EPHA6: variants seen among roughly 807,000 people sequenced by gnomAD.
EPHA6 encodes the protein EPH receptor A6.
EPHA6 carries 50 observed loss-of-function variants against 112.0 expected under a neutral mutation model. That is an observed-to-expected ratio of 0.45 (90% confidence interval 0.36 to 0.56). The LOEUF (loss-of-function observed/expected upper bound fraction) is 0.56. Among genes scored for constraint, EPHA6 ranks in the 20% least tolerant of loss-of-function variants. EPHA6 has a pLI of 0.00. For synonymous variants in EPHA6, 529 were observed against 490.7 expected, an observed-to-expected ratio of 1.08 and a Z score of -1.03; for missense variants, 1,280 against 1,417.4, an observed-to-expected ratio of 0.90 and a Z score of 1.56.
chr3:97,072,143 C>T (rs1037163345), intron 3 of EPHA6, among the ~76,000 whole-genome samples: 1 of 152,072 alleles, frequency 6.6e-6, no homozygotes, highest in Non-Finnish European at 1.5e-5. Flanking sequence ...GGAACCAGCC[C>T]AAATGCCCAT....
chr3:97,259,893 T>A (rs1306445612), intron 5 of EPHA6, among the ~76,000 whole-genome samples: 1 of 151,522 alleles, frequency 6.6e-6, no homozygotes, highest in Non-Finnish European at 1.5e-5. Context: ...CTCTGCCTCC[T>A]GGGTTCAAGC....
At chr3:97,242,996 T>C (rs2108579577) in intron 4 of EPHA6, among the ~76,000 whole-genome samples, 1 of 151,978 alleles carries the variant, frequency 6.6e-6, no homozygotes, top group African/African-American at 2.4e-5. Context: ...GTAATATTTG[T>C]TTAATGAACA....
chr3:97,309,021 A>C (rs1033392999), intron 5 of EPHA6, among the ~76,000 whole-genome samples: 1 of 151,798 alleles, frequency 6.6e-6, no homozygotes, highest in Non-Finnish European at 1.5e-5. Flanking sequence ...ATTAAAAACA[A>C]AACAACTGCA....
chr3:97,174,266 A>T (rs894163466), intron 3 of EPHA6, among the ~76,000 whole-genome samples: 1 of 151,886 alleles, frequency 6.6e-6, no homozygotes, highest in African/African-American at 2.4e-5. Flanking sequence ...TTCATTGTGT[A>T]TATGTACTAC....
intron 3 of EPHA6, among the ~76,000 whole-genome samples, chr3:97,118,011 A>G (rs964345366): frequency 6.6e-6 from 1 of 151,824 alleles, no homozygotes. Context: ...TGAAAAGAGA[A>G]TTATATTTTG....
At chr3:97,296,981 G>A (rs555319085) in intron 5 of EPHA6, among the ~76,000 whole-genome samples, 6 of 152,332 alleles carry the variant, frequency 3.9e-5, no homozygotes, top group African/African-American at 9.6e-5. Flanking sequence ...GCAGTCTGGT[G>A]AGGGCTGGAT....
In EPHA6 at chr3:97,637,984, C is replaced by T. The variant is rs61732635; in HGVS notation, c.2686C>T (p.Arg896Trp). The change falls in exon 14 of 18, where the codon CGG (arginine) becomes TGG (tryptophan). Residue 896 changes from arginine to tryptophan, a missense_variant. Physicochemically the swap from Arg to Trp is moderately radical, Grantham distance 101. Transcript: ENST00000389672. ...MGYVHRDLAARNILVNSNLVC... is the reference protein window; with the variant it reads ...MGYVHRDLAAWNILVNSNLVC... ...TTATGTTCATCGAGACCTAGCGGCT[C>T]GGAATATACTGGTCAATAGCAACTT... 1 of 1,613,836 alleles carries T rather than the reference C, an allele frequency of 6.2e-7. No individual in the cohort carries two copies. The highest frequency in any genetic ancestry group is 8.5e-7 in the Non-Finnish European group (1 of 1,179,820).
chr3:97,108,736 A>T (rs752190960), intron 3 of EPHA6, among the ~76,000 whole-genome samples: 1 of 152,176 alleles, frequency 6.6e-6, no homozygotes, highest in Middle Eastern at 3.2e-3. Flanking sequence ...AACATTAACA[A>T]GCTAGGACAT....
At chr3:97,031,891 A>T (rs2044863299) in intron 3 of EPHA6, among the ~76,000 whole-genome samples, 1 of 152,170 alleles carries the variant, frequency 6.6e-6, no homozygotes, top group Non-Finnish European at 1.5e-5. Context: ...CAGTGTGGCG[A>T]TTCATCAGGA....
chr3:96,908,125 A>T (rs1473936792), intron 2 of EPHA6, among the ~76,000 whole-genome samples: 1 of 151,958 alleles, frequency 6.6e-6, no homozygotes, highest in Admixed American at 6.6e-5. Context: ...CTAAACATAG[A>T]AAGGGTACAC....
At chr3:97,152,447 ATATTT>A (rs1323157540) in intron 3 of EPHA6, among the ~76,000 whole-genome samples, 3 of 149,338 alleles carry the variant, frequency 2.0e-5, no homozygotes, top group African/African-American at 7.3e-5. Flanking sequence ...TATATATTAA[ATATTT>A]TATATTAGTA....
intron 3 of EPHA6, among the ~76,000 whole-genome samples, chr3:97,063,442 A>G (rs1321177574): frequency 6.6e-6 from 1 of 152,172 alleles, no homozygotes. Flanking sequence ...CCAGCAAACA[A>G]ATGCAGGAGC....
At chr3:97,120,063 C>T (rs1443486334) in intron 3 of EPHA6, among the ~76,000 whole-genome samples, 1 of 151,934 alleles carries the variant, frequency 6.6e-6, no homozygotes, top group Admixed American at 6.6e-5. Context: ...AAAACTTGAA[C>T]TAAAGTAGTT....
intron 5 of EPHA6, among the ~76,000 whole-genome samples, chr3:97,364,563 A>G (rs1051269782): frequency 3.3e-5 from 5 of 152,066 alleles, no homozygotes; most frequent in African/African-American, 1.2e-4. Context: ...ATGTTTTAAA[A>G]GAGTATGCAA....
rs778633789 is a variant in EPHA6 at position 97,592,709 on chromosome 3, A to G, written c.2484A>G (p.Gly828=). 15 of 1,601,630 alleles carry G rather than the reference A, an allele frequency of 9.4e-6. No individual in the cohort carries two copies. Among genetic ancestry groups the G allele is most frequent in the Non-Finnish European group, 1.2e-5 (14 of 1,176,148 alleles). Residue 828 remains glycine (G), a synonymous_variant, in exon 12 of 18, where the codon GGA becomes GGG. Coordinates refer to ENST00000389672, the MANE Select transcript of EPHA6 (RefSeq NM_001080448.3). The part of the protein sequence containing the change: ...SIQAPHPVPG[G]GSLPPRIPAG... ...AGGCCCCGCATCCAGTGCCAGGGGG[A>G]GGATCTTTGCCCCCCAGGATTCCTG...
At chr3:97,507,022 T>G (rs571242133) in intron 10 of EPHA6, among the ~76,000 whole-genome samples, 6 of 152,330 alleles carry the variant, frequency 3.9e-5, no homozygotes, top group African/African-American at 1.2e-4. Context: ...TTTTGTATCC[T>G]GGGACTTTGC....
At chr3:97,050,087 G>T (rs144415375) in intron 3 of EPHA6, among the ~76,000 whole-genome samples, 12 of 152,140 alleles carry the variant, frequency 7.9e-5, no homozygotes, top group Non-Finnish European at 1.8e-4. Flanking sequence ...ATTTTCTTCT[G>T]CTAATCTCTC....
rs1243037499 is a variant in EPHA6, at chr3:97,758,412, A to G, written c.*9711A>G. On this transcript the variant is annotated 3_prime_UTR_variant, in exon 18 of 18. Transcript: ENST00000389672. ...TGTCTCCTTACTGGTCCAAAATTGTATAATTCCTAAATTTTCATATATATA... is the reference window on the plus strand; with the variant it reads ...TGTCTCCTTACTGGTCCAAAATTGTGTAATTCCTAAATTTTCATATATATA... Among the ~76,000 whole-genome samples, 3 of 152,014 alleles carry G rather than the reference A, an allele frequency of 2.0e-5. No homozygotes were observed. The highest frequency in any genetic ancestry group is 4.4e-5 in the Non-Finnish European group (3 of 67,868).
chr3:96,816,506 C>A (rs976154651), intron 1 of EPHA6, among the ~76,000 whole-genome samples: 1 of 152,044 alleles, frequency 6.6e-6, no homozygotes, highest in African/African-American at 2.4e-5. Flanking sequence ...GTAACGATTA[C>A]CCTTTTTTAT....
Sources: gnomAD v4.1 joint callset for allele counts (sites outside exome capture counted in the v4.1 genomes callset) on GRCh38, gnomAD v4.1.1 for gene constraint, MANE v1.5 for transcripts, NCBI Gene and HGNC (gene_info 2026-07-23, HGNC 2026-07-21) for gene names.